SORCS3: variants seen among roughly 807,000 people sequenced by gnomAD.
SORCS3 encodes the protein sortilin related VPS10 domain containing receptor 3.
SORCS3 carries 57 observed loss-of-function variants against 146.3 expected under a neutral mutation model. That is an observed-to-expected ratio of 0.39 (90% CI 0.31 to 0.49). The LOEUF (loss-of-function observed/expected upper bound fraction) is 0.49. SORCS3 is among the 20% of genes least tolerant of loss of function. SORCS3 has a pLI of 0.92. For synonymous variants in SORCS3, 653 were observed against 618.5 expected (o/e 1.06, Z -0.83); for missense variants, 1,341 against 1,575.5 (o/e 0.85, Z 2.52).
At chr10:105,211,818 G>T (rs1357242851) in intron 17 of SORCS3, among the ~76,000 whole-genome samples, 1 of 152,124 alleles carries the variant, frequency 6.6e-6, no homozygotes, top group African/African-American at 2.4e-5. Context: ...CCTTTCCTTT[G>T]CTGCCTCTAT....
At chr10:104,846,757 C>T (rs906356576) in intron 2 of SORCS3, among the ~76,000 whole-genome samples, 7 of 152,190 alleles carry the variant, frequency 4.6e-5, no homozygotes, top group African/African-American at 1.4e-4. Context: ...TCGTTTAGCA[C>T]AACCATCTGT....
chr10:104,657,558 T>C (rs1162137961), intron 1 of SORCS3, among the ~76,000 whole-genome samples: 1 of 152,166 alleles, frequency 6.6e-6, no homozygotes, highest in Non-Finnish European at 1.5e-5. Flanking sequence ...CAATTCATGG[T>C]TTCTTTTTCT....
rs536977231 is a variant in SORCS3 at position 105,155,415 on chromosome 10, G to A, written c.1483-1723G>A. Among the ~76,000 whole-genome samples, 3 of 152,290 alleles carry A rather than the reference G, an allele frequency of 2.0e-5. No homozygotes were observed. In the East Asian group the frequency reaches 5.8e-4, roughly 29 times the overall value. On this transcript the variant is annotated intron_variant, in intron 9 of 26. Coordinates refer to ENST00000369701, the MANE Select transcript of SORCS3 (RefSeq NM_014978.3). ...CAAGGCCCTGGGTACTTGTGGGAGA[G>A]GGTAACTGGTTTAGGGGAGTGAGTC... is the stretch of plus-strand genomic sequence containing the variant.
chr10:104,737,391 A>C (rs1050129194), intron 1 of SORCS3, among the ~76,000 whole-genome samples: 10 of 152,246 alleles, frequency 6.6e-5, no homozygotes, highest in African/African-American at 2.2e-4. Flanking sequence ...TTACAGTCCC[A>C]CCAACAGTGT....
intron 2 of SORCS3, among the ~76,000 whole-genome samples, chr10:104,886,524 A>T (rs1481195227): frequency 6.6e-6 from 1 of 151,844 alleles, no homozygotes; most frequent in African/African-American, 2.4e-5. Context: ...CGTAAAATAT[A>T]TACAGTTGTG....
At chr10:104,758,214 C>T (rs539576870) in intron 1 of SORCS3, among the ~76,000 whole-genome samples, 3 of 60,330 alleles carry the variant, frequency 5.0e-5, no homozygotes, top group Non-Finnish European at 9.8e-5. Context: ...TAATTAGGCC[C>T]TCGGTGTGTT....
chr10:104,994,506 T>C (rs2055011998), intron 4 of SORCS3, among the ~76,000 whole-genome samples: 1 of 152,232 alleles, frequency 6.6e-6, no homozygotes, highest in Non-Finnish European at 1.5e-5. Flanking sequence ...AAAATTTTGA[T>C]ATGAATACAC....
chr10:104,984,361 G>A (rs377139682), intron 4 of SORCS3, among the ~76,000 whole-genome samples: 4 of 152,218 alleles, frequency 2.6e-5, no homozygotes, highest in East Asian at 1.9e-4. Flanking sequence ...CTTTCTGTAC[G>A]ATAATTATAA....
intron 4 of SORCS3, among the ~76,000 whole-genome samples, chr10:105,016,201 G>A (rs7091996): frequency 0.037 from 4,972 of 136,156 alleles, 280 homozygotes; most frequent in African/African-American, 0.12. Context: ...CGCCAGGCTG[G>A]AATGCAGTGG....
chr10:105,217,743 T>C, intron 19 of SORCS3: 1 of 449,748 alleles, frequency 2.2e-6, no homozygotes, highest in South Asian at 1.6e-5. Context: ...AAAAGAACAG[T>C]TGGTGTTCCA....
At chr10:105,007,260 GAAAAA>G (rs1268431069) in intron 4 of SORCS3, among the ~76,000 whole-genome samples, 1 of 152,130 alleles carries the variant, frequency 6.6e-6, no homozygotes, top group African/African-American at 2.4e-5. Flanking sequence ...GAGAGATACA[GAAAAA>G]TATGTGATAT....
intron 1 of SORCS3, among the ~76,000 whole-genome samples, chr10:104,747,485 A>G (rs1175098328): frequency 1.3e-5 from 2 of 152,214 alleles, no homozygotes; most frequent in African/African-American, 4.8e-5. Flanking sequence ...GTGGATAGAC[A>G]TACTGATACT....
intron 22 of SORCS3, among the ~76,000 whole-genome samples, chr10:105,251,978 C>T (rs2056901868): frequency 2.0e-5 from 3 of 152,084 alleles, no homozygotes; most frequent in Non-Finnish European, 2.9e-5. Context: ...TCTATGTTGT[C>T]TCATAGTACT....
At chr10:104,945,479 G>A (rs1182604125) in intron 3 of SORCS3, among the ~76,000 whole-genome samples, 1 of 151,276 alleles carries the variant, frequency 6.6e-6, no homozygotes, top group Non-Finnish European at 1.5e-5. Context: ...GGCTGGTCTC[G>A]AACTCCTGAC....
intron 7 of SORCS3, among the ~76,000 whole-genome samples, chr10:105,133,727 G>T (rs944443038): frequency 6.6e-6 from 1 of 152,024 alleles, no homozygotes. Context: ...GGCTGCTTGA[G>T]CCCAGGAGTG....
chr10:105,158,441 A>T (rs574612955), intron 10 of SORCS3, among the ~76,000 whole-genome samples: 5 of 152,356 alleles, frequency 3.3e-5, no homozygotes, highest in African/African-American at 1.2e-4. Context: ...ATCTGGCTGA[A>T]GAAGGTGGAG....
intron 1 of SORCS3, among the ~76,000 whole-genome samples, chr10:104,735,463 T>TTTTTTTTTTTTTTTTTTTTTTTA (rs2016758949): frequency 7.4e-6 from 1 of 136,010 alleles, no homozygotes; most frequent in Non-Finnish European, 1.6e-5. Flanking sequence ...TCTGTTTTTT[T>TTTTTTTTTTTTTTTTTTTTTTTA]TTTTTTTTTT....
At chr10:104,776,813 A>G (rs1198138419) in intron 1 of SORCS3, among the ~76,000 whole-genome samples, 1 of 151,660 alleles carries the variant, frequency 6.6e-6, no homozygotes, top group Non-Finnish European at 1.5e-5. Context: ...TTTCTGTATT[A>G]TCTTCACTAA....
chr10:104,958,556 A>G (rs141886028), intron 3 of SORCS3, among the ~76,000 whole-genome samples: 1 of 152,110 alleles, frequency 6.6e-6, no homozygotes, highest in African/African-American at 2.4e-5. Flanking sequence ...AACCAGAGTG[A>G]TGTGGTATGA....
Sources: allele counts gnomAD v4.1 joint callset (sites outside exome capture counted in the v4.1 genomes callset), GRCh38; gene constraint gnomAD v4.1.1; transcripts MANE v1.5; gene names NCBI Gene and HGNC (gene_info 2026-07-23, HGNC 2026-07-21).